CLTCL1: variants seen among roughly 807,000 people sequenced by gnomAD.
CLTCL1 encodes the protein clathrin heavy chain like 1.
In CLTCL1, 159 loss-of-function variants were observed where a neutral mutation model predicts 190.0. The ratio of observed to expected loss-of-function variants is 0.84; its 90% confidence interval spans 0.74 to 0.95. The LOEUF (loss-of-function observed/expected upper bound fraction) is 0.95. Ranked by LOEUF, CLTCL1 falls within the 40% of genes least tolerant of loss-of-function variation. The pLI is 0.00. For missense variants in CLTCL1, 1,878 were observed against 2,033.4 expected (o/e 0.92, Z 1.47); for synonymous variants, 752 against 769.6 (o/e 0.98, Z 0.38).
chr22:19,239,511 A>T, intron 4 of CLTCL1, 123 bp from the exon 5 acceptor site: 1 of 743,004 alleles, frequency 1.3e-6, no homozygotes, highest in East Asian at 2.4e-5. Flanking sequence ...TAAAAGTCAC[A>T]TTCAACCAAA....
intron 1 of CLTCL1, among the ~76,000 whole-genome samples, chr22:19,282,933 A>G (rs1286962819): frequency 1.4e-5 from 2 of 147,020 alleles, no homozygotes; most frequent in African/African-American, 5.0e-5. Context: ...CAGTGGTGGC[A>G]CCATCTCGGC....
intron 3 of CLTCL1, among the ~76,000 whole-genome samples, chr22:19,252,053 C>T (rs530728642): frequency 2.4e-4 from 36 of 152,256 alleles, no homozygotes; most frequent in African/African-American, 7.2e-5. Context: ...TGGAACAGAG[C>T]GTTCCAGAAA....
chr22:19,229,875 G>T lies in CLTCL1; in HGVS notation c.1745C>A (p.Thr582Lys). The change falls in exon 11 of 33, where the codon ACA (threonine) becomes AAA (lysine). Residue 582 changes from threonine (T) to lysine (K), a missense_variant. By Grantham distance (78) the Thr-to-Lys change is moderately conservative. Coordinates refer to ENST00000427926, the MANE Select transcript of CLTCL1 (RefSeq NM_007098.4). ...NNRPAEGLLQ[T>K]WLLEMNLVHA... ...AACAAGGTTCATCTCCAACAGCCAT[G>T]TCTGCAGGAGTCCCTCAGCTGGGCG... 1.2e-6 allele frequency: 2 copies of T among 1,611,768 alleles called. No homozygotes were observed. Among genetic ancestry groups the T allele is most frequent in the African/African-American group, 1.3e-5 (1 of 74,902 alleles).
intron 1 of CLTCL1, among the ~76,000 whole-genome samples, chr22:19,280,818 C>CAAAA (rs35797654): frequency 2.5e-4 from 15 of 59,294 alleles, no homozygotes; most frequent in South Asian, 1.3e-3. Flanking sequence ...GACTCCATCT[C>CAAAA]AAAAAAAAAA....
At chr22:19,261,158 G>C (rs1555975419) in intron 2 of CLTCL1, among the ~76,000 whole-genome samples, 1 of 151,592 alleles carries the variant, frequency 6.6e-6, no homozygotes, top group Non-Finnish European at 1.5e-5. Context: ...TGTTGCCCAG[G>C]CTGGAGTGCA....
At chr22:19,193,895 T>A (rs2084603360) in intron 26 of CLTCL1, among the ~76,000 whole-genome samples, 1 of 152,054 alleles carries the variant, frequency 6.6e-6, no homozygotes, top group East Asian at 1.9e-4. Flanking sequence ...ACTCAATGAG[T>A]GAGCAGCAGC....
At chr22:19,183,713 G>A in intron 29 of CLTCL1, 102 bp from the exon 30 acceptor site, 3 of 1,133,080 alleles carry the variant, frequency 2.6e-6, no homozygotes, top group African/African-American at 1.5e-5. Flanking sequence ...ACTCCACCAA[G>A]GACTTCCTGC....
chr22:19,226,234 G>A lies in CLTCL1; in HGVS notation c.1932C>T (p.His644=), dbSNP rs1555955882. The part of the protein sequence containing the change: ...YDIKRAVVHT[H]LLNPEWLVNF... ...TACACAGTACCTCGGGATTGAGGAG[G>A]TGAGTGTGGACCACAGCCCTCTTGA... The change falls in exon 12 of 33, where the codon CAC becomes CAT. Residue 644 remains histidine (H), a synonymous_variant. Transcript: ENST00000427926. The A allele has an allele frequency of 3.1e-6, 5 of 1,613,772 alleles. No individual in the cohort carries two copies. Among genetic ancestry groups the A allele is most frequent in the Admixed American group, 1.7e-5 (1 of 60,000 alleles).
intron 27 of CLTCL1, among the ~76,000 whole-genome samples, chr22:19,189,196 C>T (rs2084412637): frequency 6.6e-6 from 1 of 152,230 alleles, no homozygotes. Flanking sequence ...AGCCACCGCG[C>T]TCGGCTGGCA....
chr22:19,234,950 G>C (rs1203046391), intron 6 of CLTCL1, among the ~76,000 whole-genome samples: 1 of 152,158 alleles, frequency 6.6e-6, no homozygotes, highest in Non-Finnish European at 1.5e-5. Flanking sequence ...TGCGTTCTGC[G>C]CTACAGCAAA....
At chr22:19,261,871 C>T (rs1034058118) in intron 2 of CLTCL1, among the ~76,000 whole-genome samples, 25 of 152,148 alleles carry the variant, frequency 1.6e-4, no homozygotes, top group Non-Finnish European at 1.0e-4. Context: ...TAAAGCAGCA[C>T]CAGAGTCTGA....
At chr22:19,243,071 G>T in intron 3 of CLTCL1, 135 bp from the exon 4 acceptor site, 1 of 784,796 alleles carries the variant, frequency 1.3e-6, no homozygotes, top group Non-Finnish European at 1.9e-6. Flanking sequence ...AAATGTATTA[G>T]CTATTAAAGG....
chr22:19,222,658 G>A (rs1374641253), intron 15 of CLTCL1, 26 bp downstream of exon 15: 3 of 1,580,832 alleles, frequency 1.9e-6, no homozygotes, highest in Non-Finnish European at 2.6e-6. Flanking sequence ...AGGCAGCCGG[G>A]TGTCACTCCA....
chr22:19,185,562 G>A (rs1555927916), intron 29 of CLTCL1, among the ~76,000 whole-genome samples: 1 of 152,130 alleles, frequency 6.6e-6, no homozygotes, highest in African/African-American at 2.4e-5. Flanking sequence ...TCCTGATCCT[G>A]TGATCCGCCC....
intron 2 of CLTCL1, among the ~76,000 whole-genome samples, chr22:19,260,607 G>A (rs961100877): frequency 2.6e-4 from 39 of 151,602 alleles, no homozygotes; most frequent in African/African-American, 8.5e-4. Context: ...AAGAAACCCC[G>A]TCTCTACTAA....
At position 19,233,239 on chromosome 22, in the gene CLTCL1, T is replaced by C. The variant is rs561295681; in HGVS notation, c.1448A>G (p.Asn483Ser). ...ACACTGGATCACTTTGCTTGGCACA[T>C]TTGCCCGAAGGTACACACTCAGAGC... The part of the protein sequence containing the change: ...MLALSVYLRA[N>S]VPSKVIQCFA... Residue 483 changes from asparagine to serine, a missense_variant, in exon 9 of 33, where the codon AAT (asparagine) becomes AGT (serine). By Grantham distance (46) the Asn-to-Ser change is conservative. Coordinates refer to ENST00000427926, the MANE Select transcript of CLTCL1 (RefSeq NM_007098.4). 1.9e-6 allele frequency: 3 copies of C among 1,613,992 alleles called. No individual in the cohort carries two copies. The highest frequency in any genetic ancestry group is 1.3e-5 in the African/African-American group (1 of 75,044).
intron 22 of CLTCL1, 87 bp from the exon 23 acceptor site, chr22:19,201,580 T>G: frequency 7.2e-7 from 1 of 1,384,840 alleles, no homozygotes; most frequent in Non-Finnish European, 1.0e-6. Flanking sequence ...ATGGCAGAGG[T>G]ATTTTTCTGT....
rs1032081462 is a variant in CLTCL1, at chr22:19,190,964, G to A, written c.4323+340C>T. Among the ~76,000 whole-genome samples the A allele has an allele frequency of 1.3e-4, 20 of 152,184 alleles. 1 individual carries two copies. The highest frequency in any genetic ancestry group is 1.2e-3 in the Admixed American group (18 of 15,288). On this transcript the variant is annotated intron_variant, in intron 27 of 32. Coordinates refer to ENST00000427926, the MANE Select transcript of CLTCL1 (RefSeq NM_007098.4). ...AGCTAATTTTTGTATTTTTAGTAGA[G>A]ACGGGGTTTCACCGTGGTAGCCAGG...
chr22:19,192,468 C>T (rs1167791864), intron 26 of CLTCL1, among the ~76,000 whole-genome samples: 1 of 152,156 alleles, frequency 6.6e-6, no homozygotes, highest in South Asian at 2.1e-4. Context: ...TGAACCAAGA[C>T]AGTGGTGATG....
Sources: gnomAD v4.1 joint callset for allele counts (sites outside exome capture counted in the v4.1 genomes callset) on GRCh38, gnomAD v4.1.1 for gene constraint, MANE v1.5 for transcripts, NCBI Gene and HGNC (gene_info 2026-07-23, HGNC 2026-07-21) for gene names.